Variants in ELOA observed in about 807,000 individuals in gnomAD.
ELOA encodes the protein elongin-A.
A neutral mutation model predicts 85.2 loss-of-function variants in ELOA; 15 were observed. That is an observed-to-expected ratio of 0.18 (90% CI 0.12 to 0.27). The LOEUF (loss-of-function observed/expected upper bound fraction) is 0.27. Among genes scored for constraint, ELOA ranks in the 10% least tolerant of loss-of-function variants. ELOA has a pLI of 1.00. For missense variants in ELOA, 769 were observed against 952.7 expected, an observed-to-expected ratio of 0.81 and a Z score of 2.54; for synonymous variants, 348 against 357.2, an observed-to-expected ratio of 0.97 and a Z score of 0.29.
chr1:23,759,175 C>T (rs911216280), intron 10 of ELOA, among the ~76,000 whole-genome samples: 1 of 152,244 alleles, frequency 6.6e-6, no homozygotes, highest in African/African-American at 2.4e-5. Context: ...CAGAGTGAGA[C>T]TCTTTCCTTA....
At chr1:23,753,282 T>C (rs1049611216) in intron 5 of ELOA, among the ~76,000 whole-genome samples, 8 of 152,240 alleles carry the variant, frequency 5.3e-5, no homozygotes, top group Non-Finnish European at 8.8e-5. Context: ...TTGAGAAATA[T>C]CTTAATTTCT....
intron 10 of ELOA, 58 bp from the exon 11 acceptor site, chr1:23,759,453 TG>T: frequency 6.4e-7 from 1 of 1,565,982 alleles, no homozygotes; most frequent in Middle Eastern, 1.7e-4. Context: ...TGTAAACTAC[TG>T]GGGGTGTGTC....
intron 2 of ELOA, 80 bp from the exon 3 acceptor site, chr1:23,749,762 C>G (rs1644760772): frequency 1.6e-6 from 2 of 1,245,020 alleles, no homozygotes; most frequent in Admixed American, 2.2e-5. Context: ...TTGAGTTTCT[C>G]AAAGTAGAAA....
rs980628228 is a variant in ELOA at position 23,762,032 on chromosome 1, T to C, written c.*2459T>C. 1 of 152,126 alleles carries C rather than the reference T, an allele frequency of 6.6e-6. No homozygotes were observed. The highest frequency in any genetic ancestry group is 1.5e-5 in the Non-Finnish European group (1 of 68,024). The allele number at this position is 152,126 out of a possible 1,614,324, so 9.4% of individuals were successfully genotyped here. A position where few individuals can be genotyped will look rare whatever the true frequency, so the allele number is the denominator to read the frequency against. ...AGATAAGTTATATGAAAAGGAAAATTCCATGTCTAAATAAAAAACAAACTC... is the reference window on the plus strand; with the variant it reads ...AGATAAGTTATATGAAAAGGAAAATCCCATGTCTAAATAAAAAACAAACTC... On this transcript the variant is annotated 3_prime_UTR_variant, in exon 11 of 11. Transcript: ENST00000613537.
chr1:23,751,517 A>G lies in ELOA; in HGVS notation c.912A>G (p.Arg304=). The G allele has an allele frequency of 6.2e-7, 1 of 1,614,138 alleles. No individual in the cohort carries two copies. Among genetic ancestry groups the G allele is most frequent in the Non-Finnish European group, 8.5e-7 (1 of 1,180,032 alleles). Residue 304 remains arginine, a synonymous_variant, in exon 4 of 11, where the codon AGA becomes AGG. Transcript: ENST00000613537. The part of the protein sequence containing the change: ...PSSGVKKEKD[R]EGSSLKKKCL... Reference sequence around the variant, plus strand: ...GTGGCGTAAAGAAAGAGAAGGACAGAGAGGGCAGCAGCCTGAAGAAGAAGT... The same window carrying G: ...GTGGCGTAAAGAAAGAGAAGGACAGGGAGGGCAGCAGCCTGAAGAAGAAGT...
Position 23,749,001 on chromosome 1 carries a change from T to A in ELOA, c.76-20T>A, listed in dbSNP as rs548473182. ...TTAAAGTGAATTTGACTATTGAAAT[T>A]AATGTTTTCTTCTCTGCAGCTATTG... On this transcript the variant is annotated intron_variant, in intron 1 of 10. Coordinates refer to ENST00000613537, the MANE Select transcript of ELOA (RefSeq NM_003198.3). The A allele has an allele frequency of 1.9e-4, 310 of 1,605,720 alleles. 4 individuals carry two copies. In the South Asian group the frequency reaches 3.2e-3, roughly 17 times the overall value.
At chr1:23,743,617 G>A (rs1644732901) in intron 1 of ELOA, 39 bp downstream of exon 1, 3 of 1,457,434 alleles carry the variant, frequency 2.1e-6, no homozygotes, top group Non-Finnish European at 2.7e-6. Context: ...TGGGCGTTGG[G>A]TCGGTGAGGG....
intron 9 of ELOA, 100 bp from the exon 10 acceptor site, chr1:23,756,853 A>T: frequency 1.6e-6 from 2 of 1,267,424 alleles, no homozygotes; most frequent in South Asian, 4.1e-5. Flanking sequence ...TCAAAGCCAC[A>T]AACAGGGTGA....
intron 7 of ELOA, among the ~76,000 whole-genome samples, chr1:23,754,764 T>TG (rs1644787158): frequency 6.6e-6 from 1 of 152,168 alleles, no homozygotes; most frequent in Admixed American, 6.5e-5. Context: ...GCAGAGTAGC[T>TG]GGGACCCAGG....
In ELOA at chr1:23,750,885, T is replaced by A; in HGVS notation, c.280T>A (p.Ser94Thr). ...PDEQDFEKSN[S>T]RKRPRDALQK... is the part of the protein sequence containing the mutation. ...TGAACAGGACTTTGAGAAGAGCAAT[T>A]CCCGAAAGCGCCCTCGGGATGCCCT... Residue 94 changes from serine (S) to threonine (T), a missense_variant, in exon 4 of 11, where the codon TCC (serine) becomes ACC (threonine). Transcript: ENST00000613537. 6.2e-7 allele frequency: 1 copy of A among 1,604,746 alleles called. No individual in the cohort carries two copies. Among genetic ancestry groups the A allele is most frequent in the East Asian group, 2.2e-5 (1 of 44,846 alleles).
In ELOA at chr1:23,756,268, C is replaced by T; in HGVS notation, c.1973-6C>T. On this transcript the variant is annotated splice_polypyrimidine_tract_variant and splice_region_variant and intron_variant, in intron 8 of 10. Transcript: ENST00000613537. The stretch of plus-strand genomic sequence containing the variant: ...AAGGCAGATGTTCATCTCCATAATT[C>T]CACAGGCCGACAAGCAAAGATGGCC... 1 of 1,551,668 alleles carries T rather than the reference C, an allele frequency of 6.4e-7. No homozygotes were observed. The highest frequency in any genetic ancestry group is 2.0e-5 in the Admixed American group (1 of 49,330).
chr1:23,759,317 T>A (rs952484814), intron 10 of ELOA, among the ~76,000 whole-genome samples, 195 bp from the exon 11 acceptor site: 3 of 152,266 alleles, frequency 2.0e-5, no homozygotes, highest in Non-Finnish European at 4.4e-5. Flanking sequence ...GTCATGCCCC[T>A]GGCAGGTCCT....
At position 23,758,247 on chromosome 1, in the gene ELOA, A is replaced by ATT. The variant is rs1338294015; in HGVS notation, c.2257+1124_2257+1125dup. On this transcript the variant is annotated intron_variant, in intron 10 of 10. Transcript: ENST00000613537. ...TCTTTATATCTAATTGGGTCTTCCA[A>ATT]TTTATTTATTTATTTTTTTTTTTTT... 5.5e-4 allele frequency among the ~76,000 whole-genome samples: 31 copies of ATT among 56,786 alleles called. 1 individual carries two copies. The highest frequency in any genetic ancestry group is 1.5e-3 in the African/African-American group (25 of 16,872). 37.3% of individuals were successfully genotyped at this position (56,786 alleles called of 152,430 possible).
In ELOA at chr1:23,754,924, C is replaced by T. The variant is rs530778836; in HGVS notation, c.1791+464C>T. 1.4e-3 allele frequency among the ~76,000 whole-genome samples: 213 copies of T among 150,220 alleles called. 1 individual carries two copies. The highest frequency in any genetic ancestry group is 4.9e-3 in the African/African-American group (201 of 40,770). On this transcript the variant is annotated intron_variant, in intron 7 of 10. Coordinates refer to ENST00000613537, the MANE Select transcript of ELOA (RefSeq NM_003198.3). The stretch of plus-strand genomic sequence containing the variant: ...CTGTCTCTCTTTAATTCTGAAAGTT[C>T]TATGACCTAACACCTTTTTTTTTTT...
chr1:23,758,085 C>T (rs1357515944), intron 10 of ELOA, among the ~76,000 whole-genome samples: 1 of 151,382 alleles, frequency 6.6e-6, no homozygotes, highest in African/African-American at 2.4e-5. Context: ...TTTTGGCACT[C>T]TTCTTTTTTC....
intron 1 of ELOA, among the ~76,000 whole-genome samples, chr1:23,744,566 C>T (rs1301185675): frequency 6.6e-6 from 1 of 151,818 alleles, no homozygotes; most frequent in Non-Finnish European, 1.5e-5. Flanking sequence ...CAATTGTCTG[C>T]CTCAGCCTCC....
At chr1:23,759,444 G>A in intron 10 of ELOA, 68 bp from the exon 11 acceptor site, 1 of 1,531,746 alleles carries the variant, frequency 6.5e-7, no homozygotes, top group East Asian at 2.2e-5. Flanking sequence ...GGCTTTGACT[G>A]TAAACTACTG....
In ELOA at chr1:23,754,470, C is replaced by T. The variant is rs757885330; in HGVS notation, c.1791+10C>T. On this transcript the variant is annotated intron_variant, in intron 7 of 10. Coordinates refer to ENST00000613537, the MANE Select transcript of ELOA (RefSeq NM_003198.3). ...AGAGGAATACAATCATGTGAGTATT[C>T]TGTTTGGGTGGGAAGAGGGCAGTTT... 2.5e-6 allele frequency: 4 copies of T among 1,611,878 alleles called. No homozygotes were observed. The highest frequency in any genetic ancestry group is 3.4e-6 in the Non-Finnish European group (4 of 1,178,034).
Position 23,752,303 on chromosome 1 carries a change from C to G in ELOA, c.1426-104C>G, listed in dbSNP as rs191180537. ...GACTGTGGCCCCCTCCAACCTGGAT[C>G]TTCCTGTGCAAGATGTCCAGTTAAT... On this transcript the variant is annotated intron_variant, in intron 4 of 10. Transcript: ENST00000613537. 4 of 1,150,636 alleles carry G rather than the reference C, an allele frequency of 3.5e-6. No individual in the cohort carries two copies. In the Admixed American group the frequency reaches 8.6e-5, roughly 25 times the overall value. The allele number at this position is 1,150,636 out of a possible 1,614,324, so 71.3% of individuals were successfully genotyped here. A position where few individuals can be genotyped will look rare whatever the true frequency, so the allele number is the denominator to read the frequency against.
Sources: allele counts gnomAD v4.1 joint callset (sites outside exome capture counted in the v4.1 genomes callset), GRCh38; gene constraint gnomAD v4.1.1; transcripts MANE v1.5; gene names NCBI Gene and HGNC (gene_info 2026-07-23, HGNC 2026-07-21).